Variants in ZNF730 observed in about 807,000 individuals in gnomAD.
ZNF730 encodes zinc finger protein 730, also known as putative zinc finger protein 730.
A neutral mutation model predicts 12.6 loss-of-function variants in ZNF730; 12 were observed. That is an observed-to-expected ratio of 0.95 (90% confidence interval 0.61 to 1.54). ZNF730 has a LOEUF of 1.54. Ranked by LOEUF, ZNF730 falls within the 40% of genes most tolerant of loss-of-function variation. The pLI is 0.00. For synonymous variants in ZNF730, 194 were observed against 195.8 expected, an observed-to-expected ratio of 0.99 and a Z score of 0.08; for missense variants, 643 against 583.5, an observed-to-expected ratio of 1.10 and a Z score of -1.05.
upstream of ZNF730, among the ~76,000 whole-genome samples, chr19:23,112,862 C>T (rs1970474985): frequency 6.6e-6 from 1 of 152,138 alleles, no homozygotes; most frequent in Non-Finnish European, 1.5e-5. Context: ...AGAACTTATT[C>T]AAAATAGGTT....
At position 23,146,594 on chromosome 19, in the gene ZNF730, T is replaced by C; in HGVS notation, c.*38T>C. 6.3e-7 allele frequency: 1 copy of C among 1,575,036 alleles called. No individual in the cohort carries two copies. Among genetic ancestry groups the C allele is most frequent in the Non-Finnish European group, 8.7e-7 (1 of 1,155,738 alleles). On this transcript the variant is annotated 3_prime_UTR_variant, in exon 4 of 4. Coordinates refer to ENST00000597761, the MANE Select transcript of ZNF730 (RefSeq NM_001277403.2). ...TGTGGCAAAGCTTTTAAACAATCTT[T>C]ATACCTTACTACACATAAGATAATT...
chr19:23,100,549 C>T (rs1970322966), intron 1 of ZNF730, among the ~76,000 whole-genome samples: 1 of 151,654 alleles, frequency 6.6e-6, no homozygotes, highest in African/African-American at 2.4e-5. Context: ...TGGTGAAGTC[C>T]TGAATCACAC....
chr19:23,093,643 C>G (rs562110584), intron 1 of ZNF730, among the ~76,000 whole-genome samples: 138 of 152,266 alleles, frequency 9.1e-4, no homozygotes, highest in African/African-American at 3.3e-3. Context: ...TGTGGCCCAG[C>G]AGGCTCCATC....
intron 1 of ZNF730, among the ~76,000 whole-genome samples, chr19:23,101,694 T>A (rs1221683375): frequency 6.6e-6 from 1 of 152,120 alleles, no homozygotes; most frequent in East Asian, 1.9e-4. Flanking sequence ...CTCAGCCTCC[T>A]GAGGAGCTGG....
intron 1 of ZNF730, among the ~76,000 whole-genome samples, chr19:23,082,096 C>T (rs1053587545): frequency 2.0e-5 from 3 of 152,126 alleles, no homozygotes; most frequent in Admixed American, 2.0e-4. Context: ...TCATTGTCAT[C>T]CTACTGTGTA....
intron 1 of ZNF730, among the ~76,000 whole-genome samples, chr19:23,078,917 G>T (rs986959969): frequency 3.0e-4 from 45 of 151,966 alleles, no homozygotes; most frequent in Non-Finnish European, 3.7e-4. Flanking sequence ...CGATTCTCCT[G>T]CCTCAGCCTC....
chr19:23,091,801 G>A (rs1970163924), intron 1 of ZNF730, among the ~76,000 whole-genome samples: 1 of 152,174 alleles, frequency 6.6e-6, no homozygotes, highest in African/African-American at 2.4e-5. Context: ...CTCATAGGCA[G>A]AAGGGACTTG....
rs187966973 is a variant in ZNF730, at chr19:23,092,720, G to T, written c.-94+17333G>T. On this transcript the variant is annotated intron_variant, in intron 1 of 2. Transcript: ENST00000593635. ...TTGCATGTGTGAGCCACCACAGCTG[G>T]CCTGAATAATATTTCTTAATTTCAG... 3.0e-3 allele frequency among the ~76,000 whole-genome samples: 452 copies of T among 152,202 alleles called. 2 individuals are homozygous for T. The highest frequency in any genetic ancestry group is 4.2e-3 in the Non-Finnish European group (285 of 68,022).
intron 1 of ZNF730, among the ~76,000 whole-genome samples, chr19:23,105,638 G>A (rs1397436348): frequency 2.0e-5 from 3 of 152,018 alleles, no homozygotes; most frequent in Non-Finnish European, 4.4e-5. Flanking sequence ...CAATTTAACG[G>A]TTTATTGTAA....
chr19:23,143,157 T>C (rs917994648), intron 3 of ZNF730, among the ~76,000 whole-genome samples: 7 of 151,988 alleles, frequency 4.6e-5, no homozygotes, highest in African/African-American at 1.7e-4. Flanking sequence ...GGCAGGAGAA[T>C]GGTGTGAACC....
chr19:23,145,711 A>G lies in ZNF730; in HGVS notation c.667A>G (p.Thr223Ala). The G allele has an allele frequency of 1.9e-6, 3 of 1,555,928 alleles. No individual in the cohort carries two copies. Among genetic ancestry groups the G allele is most frequent in the South Asian group, 1.2e-5 (1 of 84,862 alleles). ...AAACTGTACTACACATAAAAGAATT[A>G]CTGAGAAAAAACCTTACAAATGTAA... is the stretch of plus-strand genomic sequence containing the variant. ...SSNCTTHKRI[T>A]EKKPYKCKEC... The change falls in exon 4 of 4, where the codon ACT (threonine) becomes GCT (alanine). Residue 223 changes from threonine (T) to alanine (A), a missense_variant. Physicochemically the swap from Thr to Ala is moderately conservative, Grantham distance 58. Coordinates refer to ENST00000597761, the MANE Select transcript of ZNF730 (RefSeq NM_001277403.2).
chr19:23,096,783 GGCTGTGATGTGTT>G (rs1467613569), intron 1 of ZNF730, among the ~76,000 whole-genome samples: 1 of 152,172 alleles, frequency 6.6e-6, no homozygotes, highest in Non-Finnish European at 1.5e-5. Flanking sequence ...GGCCAAGCAG[GGCTGTGATGTGTT>G]GCTGGACTCA....
intron 3 of ZNF730, among the ~76,000 whole-genome samples, chr19:23,139,867 T>C (rs1394751155): frequency 6.6e-6 from 1 of 152,184 alleles, no homozygotes; most frequent in Non-Finnish European, 1.5e-5. Context: ...CATACCAGAT[T>C]TTATGAGTAA....
chr19:23,145,171 A>T, intron 3 of ZNF730, 100 bp from the exon 4 acceptor site: 4 of 801,870 alleles, frequency 5.0e-6, no homozygotes, highest in Non-Finnish European at 7.1e-6. Context: ...GTATTTTGCT[A>T]TGCTATCTTG....
intron 1 of ZNF730, among the ~76,000 whole-genome samples, chr19:23,093,760 C>G (rs1970197790): frequency 6.6e-6 from 1 of 152,206 alleles, no homozygotes; most frequent in African/African-American, 2.4e-5. Flanking sequence ...TGAGCCCTTC[C>G]TCCTCTTTCC....
At chr19:23,112,923 AG>A (rs1207727607), upstream of ZNF730, among the ~76,000 whole-genome samples, 1 of 152,198 alleles carries the variant, frequency 6.6e-6, no homozygotes, top group African/African-American at 2.4e-5. Flanking sequence ...ATCCTTTGAT[AG>A]GTCTTTTTTC....
chr19:23,127,992 A>G (rs1970691412), intron 1 of ZNF730: 1 of 742,686 alleles, frequency 1.3e-6, no homozygotes, highest in Non-Finnish European at 2.5e-6. Context: ...TCAGTAGGTC[A>G]AGATCTGTGA....
chr19:23,105,576 T>A (rs1201907980), intron 1 of ZNF730, among the ~76,000 whole-genome samples: 2 of 152,214 alleles, frequency 1.3e-5, no homozygotes, highest in African/African-American at 2.4e-5. Flanking sequence ...GACTTAGTGC[T>A]GATGAGGATT....
chr19:23,125,481 T>C (rs915269084), intron 1 of ZNF730, among the ~76,000 whole-genome samples: 6 of 152,208 alleles, frequency 3.9e-5, no homozygotes, highest in Non-Finnish European at 7.3e-5. Flanking sequence ...AGGAACTTGC[T>C]GAGAACTGGA....
Sources: allele counts gnomAD v4.1 joint callset (sites outside exome capture counted in the v4.1 genomes callset), GRCh38; gene constraint gnomAD v4.1.1; transcripts MANE v1.5; gene names NCBI Gene and HGNC (gene_info 2026-07-23, HGNC 2026-07-21).